MYOM1: variants seen among roughly 807,000 people sequenced by gnomAD.
MYOM1 encodes the protein myomesin 1, also known as myomesin-1.
A neutral mutation model predicts 205.3 loss-of-function variants in MYOM1; 164 were observed. The observed-to-expected ratio is 0.80, with a 90% CI of 0.70 to 0.91. MYOM1 has a LOEUF of 0.91. Among genes scored for constraint, MYOM1 ranks in the 40% least tolerant of loss-of-function variants. The pLI, the probability that MYOM1 is intolerant of heterozygous loss-of-function variation, is 0.00. For synonymous variants in MYOM1, 772 were observed against 789.4 expected (o/e 0.98, Z 0.37); for missense variants, 2,011 against 2,127.3 (o/e 0.95, Z 1.08).
chr18:3,106,765 G>A, intron 22 of MYOM1, among the ~76,000 whole-genome samples: 1 of 152,200 alleles, frequency 6.6e-6, no homozygotes, highest in East Asian at 1.9e-4. Context: ...GGAGGCTGTG[G>A]TGAGCAATGA....
chr18:3,203,708 A>C (rs1567967109), intron 2 of MYOM1, among the ~76,000 whole-genome samples: 1 of 151,536 alleles, frequency 6.6e-6, no homozygotes, highest in Admixed American at 6.6e-5. Context: ...ATACTTAAAG[A>C]AATAATACCA....
rs775736584 is a variant in MYOM1 at position 3,215,146 on chromosome 18, C to G, written c.78G>C (p.Val26=). The change falls in exon 2 of 38, where the codon GTG becomes GTC. Residue 26 remains valine, a synonymous_variant. Transcript: ENST00000356443. ...GTTTCTTCTCCCGCTGGTAGTGACT[C>G]ACGGTGCTGCGCACGTCCTTGTTGC... ...SYRNKDVRST[V]SHYQREKKRS... is the part of the protein sequence containing the mutation. The G allele has an allele frequency of 1.4e-5, 22 of 1,613,816 alleles. No individual in the cohort carries two copies. In the South Asian group the frequency reaches 2.2e-4, roughly 16 times the overall value.
chr18:3,142,094 C>T (rs1456805914), intron 13 of MYOM1, 31 bp from the exon 14 acceptor site: 2 of 1,610,654 alleles, frequency 1.2e-6, no homozygotes, highest in Admixed American at 1.7e-5. Flanking sequence ...ATGAGAAGCA[C>T]ACATTCTGGG....
chr18:3,104,295 T>C (rs899279343), intron 22 of MYOM1, among the ~76,000 whole-genome samples: 3 of 152,258 alleles, frequency 2.0e-5, no homozygotes, highest in African/African-American at 7.2e-5. Context: ...AATTTTTGTA[T>C]ATCTGTATTG....
At chr18:3,172,665 A>C (rs1351558709) in intron 8 of MYOM1, among the ~76,000 whole-genome samples, 1 of 152,002 alleles carries the variant, frequency 6.6e-6, no homozygotes, top group Admixed American at 6.6e-5. Flanking sequence ...GCCCACCACC[A>C]TGCCTGGCTA....
At chr18:3,083,946 G>A (rs781391569) in intron 32 of MYOM1, 43 bp downstream of exon 32, 2 of 1,581,622 alleles carry the variant, frequency 1.3e-6, no homozygotes, top group Non-Finnish European at 8.6e-7. Flanking sequence ...CTCCTGGCAG[G>A]AGGATCATAA....
At chr18:3,239,617 G>A in the MYOM1 span, among the ~76,000 whole-genome samples, 9 of 151,868 alleles carry the variant, frequency 5.9e-5, no homozygotes, top group East Asian at 1.5e-3. Flanking sequence ...TTAGCCAGGT[G>A]TAGTGGTGTA....
intron 10 of MYOM1, among the ~76,000 whole-genome samples, chr18:3,160,852 T>C (rs1179931474): frequency 3.9e-5 from 6 of 152,192 alleles, no homozygotes; most frequent in Admixed American, 6.5e-5. Flanking sequence ...GCCCCATCCA[T>C]AGTTAGTAAC....
intron 22 of MYOM1, among the ~76,000 whole-genome samples, chr18:3,107,129 T>C (rs902645735): frequency 1.3e-5 from 2 of 150,368 alleles, no homozygotes; most frequent in African/African-American, 5.0e-5. Context: ...AAATTTCTTT[T>C]TTTTTTGAGA....
At chr18:3,229,202 A>G in the MYOM1 span, among the ~76,000 whole-genome samples, 7 of 152,312 alleles carry the variant, frequency 4.6e-5, no homozygotes, top group South Asian at 8.3e-4. Flanking sequence ...AGTTCCCCCA[A>G]TAGAGTGGGA....
chr18:3,072,972 C>CTTT (rs1290773371), intron 36 of MYOM1, among the ~76,000 whole-genome samples: 3 of 91,856 alleles, frequency 3.3e-5, no homozygotes, highest in Admixed American at 1.3e-4. Context: ...CAGATGTAAG[C>CTTT]ATTTTTTTTT....
intron 2 of MYOM1, among the ~76,000 whole-genome samples, chr18:3,212,747 G>C (rs1407610040): frequency 6.6e-6 from 1 of 152,122 alleles, no homozygotes; most frequent in Non-Finnish European, 1.5e-5. Flanking sequence ...TCCTAAATGA[G>C]GTTCTTAAGC....
At chr18:3,079,720 C>T (rs973712765) in intron 33 of MYOM1, among the ~76,000 whole-genome samples, 26 of 152,100 alleles carry the variant, frequency 1.7e-4, no homozygotes, top group African/African-American at 6.0e-4. Flanking sequence ...CATATTTCAT[C>T]TAGATAATCT....
At position 3,100,433 on chromosome 18, in the gene MYOM1, A is replaced by G; in HGVS notation, c.3576-7T>C. 1 of 1,605,316 alleles carries G rather than the reference A, an allele frequency of 6.2e-7. No homozygotes were observed. The highest frequency in any genetic ancestry group is 1.1e-5 in the South Asian group (1 of 90,444). On this transcript the variant is annotated splice_polypyrimidine_tract_variant and splice_region_variant and intron_variant, in intron 23 of 37. Coordinates refer to ENST00000356443, the MANE Select transcript of MYOM1 (RefSeq NM_003803.4). ...TTTGAAGGTCATTTTCGTCCTTCGG[A>G]ACAAAATATTTTTCTTAGAAATGAG...
chr18:3,157,065 G>C (rs1372421731), intron 10 of MYOM1, among the ~76,000 whole-genome samples: 6 of 152,198 alleles, frequency 3.9e-5, no homozygotes, highest in Non-Finnish European at 8.8e-5. Flanking sequence ...TCAGCTACAA[G>C]AGGGACAGCT....
upstream of MYOM1, among the ~76,000 whole-genome samples, chr18:3,220,833 C>A (rs571330020): frequency 6.6e-6 from 1 of 152,312 alleles, no homozygotes; most frequent in South Asian, 2.1e-4. Context: ...ATACTGCAGA[C>A]AGAGCACTTG....
At chr18:3,162,517 G>A (rs905676275) in intron 10 of MYOM1, among the ~76,000 whole-genome samples, 1 of 152,020 alleles carries the variant, frequency 6.6e-6, no homozygotes, top group Non-Finnish European at 1.5e-5. Flanking sequence ...ACTTTCCCAC[G>A]TGTCCCAGCT....
At chr18:3,175,843 T>A (rs1043259600) in intron 6 of MYOM1, among the ~76,000 whole-genome samples, 199 bp downstream of exon 6, 3 of 152,234 alleles carry the variant, frequency 2.0e-5, no homozygotes, top group African/African-American at 7.2e-5. Context: ...AAAATCACTT[T>A]GGGAGGTAGT....
chr18:3,206,926 A>T (rs998512248), intron 2 of MYOM1, among the ~76,000 whole-genome samples: 3 of 151,662 alleles, frequency 2.0e-5, no homozygotes, highest in African/African-American at 7.3e-5. Flanking sequence ...TTGGATTTTA[A>T]TTTTTTTTGC....
Sources: allele counts gnomAD v4.1 joint callset (sites outside exome capture counted in the v4.1 genomes callset), GRCh38; gene constraint gnomAD v4.1.1; transcripts MANE v1.5; gene names NCBI Gene and HGNC (gene_info 2026-07-23, HGNC 2026-07-21).